RPS6KA5: variants seen among roughly 807,000 people sequenced by gnomAD.
The protein encoded by RPS6KA5 is ribosomal protein S6 kinase A5.
RPS6KA5 carries 27 observed loss-of-function variants against 85.5 expected under a neutral mutation model. The observed-to-expected ratio is 0.32, with a 90% CI of 0.23 to 0.44. The LOEUF (loss-of-function observed/expected upper bound fraction) is 0.44, where lower values mean the gene tolerates loss of function less well. RPS6KA5 is among the 20% of genes least tolerant of loss of function. The probability of loss-of-function intolerance (pLI) is 1.00; values close to 1 mark genes in which losing one functional copy is unlikely to be tolerated. For synonymous variants in RPS6KA5, 334 were observed against 348.2 expected, an observed-to-expected ratio of 0.96 and a Z score of 0.46; for missense variants, 811 against 980.9, an observed-to-expected ratio of 0.83 and a Z score of 2.31.
At chr14:90,927,520 C>T (rs1434977104) in intron 5 of RPS6KA5, among the ~76,000 whole-genome samples, 2 of 152,044 alleles carry the variant, frequency 1.3e-5, no homozygotes, top group Non-Finnish European at 2.9e-5. Flanking sequence ...AAAGTTGTAT[C>T]AGACAGCACT....
In RPS6KA5 at chr14:90,849,817, C is replaced by T. The variant is rs1378099553; in HGVS notation, c.*22257G>A. 1 of 152,228 alleles carries T rather than the reference C, an allele frequency of 6.6e-6. No individual in the cohort carries two copies. The highest frequency in any genetic ancestry group is 6.5e-5 in the Admixed American group (1 of 15,284). 9.4% of individuals were successfully genotyped at this position (152,228 alleles called of 1,614,324 possible). Reference sequence around the variant, plus strand: ...CAAAGGGTGACGTTACCCGTTGATGCTAGATGATGTCCTCAAACCTGACGT... The same window carrying T: ...CAAAGGGTGACGTTACCCGTTGATGTTAGATGATGTCCTCAAACCTGACGT... On this transcript the variant is annotated 3_prime_UTR_variant, in exon 17 of 17. Coordinates refer to ENST00000614987, the MANE Select transcript of RPS6KA5 (RefSeq NM_004755.4).
intron 1 of RPS6KA5, among the ~76,000 whole-genome samples, chr14:91,015,292 C>T (rs1318291086): frequency 2.6e-5 from 4 of 152,062 alleles, no homozygotes; most frequent in Non-Finnish European, 5.9e-5. Context: ...ATTCCTTATC[C>T]TCAAATTAAG....
chr14:90,920,462 C>T (rs527671100), intron 6 of RPS6KA5, among the ~76,000 whole-genome samples, 153 bp from the exon 7 acceptor site: 1 of 152,142 alleles, frequency 6.6e-6, no homozygotes, highest in South Asian at 2.1e-4. Context: ...TTAACACATG[C>T]AAGAAAGACA....
At chr14:91,044,141 C>T (rs139017477) in intron 1 of RPS6KA5, among the ~76,000 whole-genome samples, 6,869 of 151,668 alleles carry the variant, frequency 0.045, 507 homozygotes, top group Admixed American at 0.19. Context: ...GCAGGAGAAT[C>T]GCTTGAACCC....
At chr14:90,892,810 T>C (rs942116641) in intron 13 of RPS6KA5, among the ~76,000 whole-genome samples, 9 of 152,352 alleles carry the variant, frequency 5.9e-5, no homozygotes, top group Admixed American at 1.3e-4. Flanking sequence ...GTGAAAGACA[T>C]TTTATTATGA....
chr14:90,912,485 G>A (rs2035880310), intron 7 of RPS6KA5, among the ~76,000 whole-genome samples: 1 of 152,184 alleles, frequency 6.6e-6, no homozygotes, highest in Non-Finnish European at 1.5e-5. Flanking sequence ...TTACATCCTA[G>A]TTTCTTCATC....
At position 90,871,778 on chromosome 14, in the gene RPS6KA5, C is replaced by G. The variant is rs539388386; in HGVS notation, c.*296G>C. 8.6e-6 allele frequency: 2 copies of G among 233,770 alleles called. No individual in the cohort carries two copies. Among genetic ancestry groups the G allele is most frequent in the Admixed American group, 1.0e-4 (2 of 19,842 alleles). The allele number at this position is 233,770 out of a possible 1,614,324, so 14.5% of individuals were successfully genotyped here. A position where few individuals can be genotyped will look rare whatever the true frequency, so the allele number is the denominator to read the frequency against. ...AGACATCTGGAAAACCTGTGACTTA[C>G]AAGCAGCTCAAATCTAGCCCTAATT... is the stretch of plus-strand genomic sequence containing the variant. On this transcript the variant is annotated 3_prime_UTR_variant, in exon 17 of 17. Coordinates refer to ENST00000614987, the MANE Select transcript of RPS6KA5 (RefSeq NM_004755.4).
chr14:91,019,035 G>A (rs868179539), intron 1 of RPS6KA5, among the ~76,000 whole-genome samples: 12 of 152,012 alleles, frequency 7.9e-5, no homozygotes, highest in African/African-American at 2.4e-4. Context: ...CTCTTCTAGG[G>A]AAAAGGTCAG....
chr14:90,914,777 C>T (rs892819725), intron 7 of RPS6KA5, among the ~76,000 whole-genome samples: 2 of 152,184 alleles, frequency 1.3e-5, no homozygotes, highest in African/African-American at 4.8e-5. Flanking sequence ...AGTATAAGTG[C>T]CAAGGGAAGG....
At chr14:90,933,019 G>A (rs2037067775) in intron 5 of RPS6KA5, among the ~76,000 whole-genome samples, 1 of 152,056 alleles carries the variant, frequency 6.6e-6, no homozygotes, top group South Asian at 2.1e-4. Flanking sequence ...AAAACCCCAA[G>A]TTGTCTACAT....
chr14:91,052,816 G>A (rs1015735630), intron 1 of RPS6KA5, among the ~76,000 whole-genome samples: 5 of 134,084 alleles, frequency 3.7e-5, no homozygotes, highest in South Asian at 2.4e-4. Context: ...CCTGGGAACA[G>A]AGCGAGACTC....
In RPS6KA5 at chr14:90,862,452, CCTCCTTCTT is replaced by C. The variant is rs774740779; in HGVS notation, c.*9613_*9621del. The C allele has an allele frequency of 5.9e-4, 85 of 143,886 alleles. No homozygotes were observed. Among genetic ancestry groups the C allele is most frequent in the Middle Eastern group, 2.3e-3 (1 of 432 alleles). The allele number at this position is 143,886 out of a possible 1,614,324, so 8.9% of individuals were successfully genotyped here. On this transcript the variant is annotated 3_prime_UTR_variant, in exon 17 of 17. Coordinates refer to ENST00000614987, the MANE Select transcript of RPS6KA5 (RefSeq NM_004755.4). Reference sequence around the variant, plus strand: ...TCTTCTTCCTCCTCCTCCTCCTCCTCCTCCTTCTTCTTCTTCTTCTTCTTCTTTTTTTAA... The same window carrying C: ...TCTTCTTCCTCCTCCTCCTCCTCCTCCTTCTTCTTCTTCTTCTTTTTTTAA...
rs187087354 is a variant in RPS6KA5, at chr14:90,931,134, T to A, written c.619-7938A>T. Among the ~76,000 whole-genome samples the A allele has an allele frequency of 7.2e-5, 11 of 152,208 alleles. No individual in the cohort carries two copies. The East Asian group carries it at 1.7e-3, about 24-fold the overall frequency. On this transcript the variant is annotated intron_variant, in intron 5 of 16. Coordinates refer to ENST00000614987, the MANE Select transcript of RPS6KA5 (RefSeq NM_004755.4). ...CACAATAGCCAAGAGGTGAGAGCAA[T>A]CCAAATGTCCATCAACAGATAAACG...
In RPS6KA5 at chr14:90,866,779, T is replaced by C. The variant is rs547027528; in HGVS notation, c.*5295A>G. 143 of 152,358 alleles carry C rather than the reference T, an allele frequency of 9.4e-4. 1 individual carries two copies. The highest frequency in any genetic ancestry group is 3.2e-3 in the African/African-American group (133 of 41,592). The allele number at this position is 152,358 out of a possible 1,614,324, so 9.4% of individuals were successfully genotyped here. ...TCTTCTTTTCAAAAATTCATGCCTG[T>C]GAAGTTTTTAGGAATATTTTTCAAA... On this transcript the variant is annotated 3_prime_UTR_variant, in exon 17 of 17. Transcript: ENST00000614987.
Position 90,899,315 on chromosome 14 carries a change from AAAAAGT to A in RPS6KA5, c.1473+8_1473+13del, listed in dbSNP as rs747496000. ...TAGTACACATGGGAAAAAAAAAAAA[AAAAAGT>A]AGGATACCTGATCATGAAAAACTTC... is the stretch of plus-strand genomic sequence containing the variant. On this transcript the variant is annotated splice_region_variant and intron_variant, in intron 12 of 16. Coordinates refer to ENST00000614987, the MANE Select transcript of RPS6KA5 (RefSeq NM_004755.4). 29 of 1,568,402 alleles carry A rather than the reference AAAAAGT, an allele frequency of 1.8e-5. No homozygotes were observed. In the African/African-American group the frequency reaches 3.3e-4, roughly 18 times the overall value.
intron 5 of RPS6KA5, among the ~76,000 whole-genome samples, chr14:90,931,668 CA>C (rs2036985749): frequency 1.3e-5 from 2 of 151,868 alleles, no homozygotes; most frequent in South Asian, 4.2e-4. Flanking sequence ...AAGAAATTTA[CA>C]AAACATATAG....
chr14:90,998,109 G>C (rs1034545278), intron 2 of RPS6KA5, among the ~76,000 whole-genome samples: 1 of 151,916 alleles, frequency 6.6e-6, no homozygotes, highest in Non-Finnish European at 1.5e-5. Context: ...GGTCACCAGG[G>C]ACTACACATT....
At chr14:90,974,037 CAAAA>C (rs56212923) in intron 3 of RPS6KA5, among the ~76,000 whole-genome samples, 16 of 61,458 alleles carry the variant, frequency 2.6e-4, no homozygotes, top group South Asian at 8.8e-4. Context: ...GACTCCATCT[CAAAA>C]AAAAAAAAAA....
chr14:90,953,639 A>G (rs1393347259), intron 3 of RPS6KA5, among the ~76,000 whole-genome samples: 1 of 152,202 alleles, frequency 6.6e-6, no homozygotes, highest in Non-Finnish European at 1.5e-5. Flanking sequence ...AGCAAGGAAT[A>G]TTAGTAATTA....
Sources: allele counts gnomAD v4.1 joint callset (sites outside exome capture counted in the v4.1 genomes callset), GRCh38; gene constraint gnomAD v4.1.1; transcripts MANE v1.5; gene names NCBI Gene and HGNC (gene_info 2026-07-23, HGNC 2026-07-21).